Variants in RPTOR observed in about 807,000 individuals in gnomAD.
RPTOR encodes the protein regulatory-associated protein of mTOR.
Under a neutral mutation model 169.9 loss-of-function variants are expected in RPTOR, and 21 were observed. That is an observed-to-expected ratio of 0.12 (90% confidence interval 0.09 to 0.18). The LOEUF (loss-of-function observed/expected upper bound fraction) is 0.18, where lower values mean the gene tolerates loss of function less well. Among genes scored for constraint, RPTOR ranks in the 10% least tolerant of loss-of-function variants. The pLI is 1.00. For synonymous variants in RPTOR, 732 were observed against 753.2 expected (o/e 0.97, Z 0.46); for missense variants, 1,133 against 1,855.9 (o/e 0.61, Z 7.16).
At position 80,822,298 on chromosome 17, in the gene RPTOR, C is replaced by T. The variant is rs773914053; in HGVS notation, c.988C>T (p.Arg330Trp). ...CACCATCGCGTGGAACGTGCTCCCC[C>T]GGGGTGAGGCGCGGGCCGGGCCTTG... ...TDTIAWNVLPRDLFQKLFRQD... is the reference protein window; with the variant it reads ...TDTIAWNVLPWDLFQKLFRQD... Residue 330 changes from arginine to tryptophan, a missense_variant, in exon 8 of 34, where the codon CGG becomes TGG. By Grantham distance (101) the Arg-to-Trp change is moderately radical. This residue lies in a region of RPTOR where 289 missense variants were observed against 585.8 expected (regional missense o/e 0.49). Coordinates refer to ENST00000306801, the MANE Select transcript of RPTOR (RefSeq NM_020761.3). 5.6e-6 allele frequency: 9 copies of T among 1,613,870 alleles called. No individual in the cohort carries two copies. The highest frequency in any genetic ancestry group is 3.3e-5 in the South Asian group (3 of 91,088).
At chr17:80,760,321 T>TTG (rs1555615949) in intron 6 of RPTOR, among the ~76,000 whole-genome samples, 3 of 148,094 alleles carry the variant, frequency 2.0e-5, no homozygotes, top group Non-Finnish European at 4.5e-5. Context: ...TTTTTTTTTT[T>TTG]GAGACCGAGT....
chr17:80,767,387 A>G lies in RPTOR; in HGVS notation c.830+13202A>G, dbSNP rs1425133144. Among the ~76,000 whole-genome samples, 7 of 152,012 alleles carry G rather than the reference A, an allele frequency of 4.6e-5. No homozygotes were observed. In the East Asian group the frequency reaches 1.4e-3, roughly 29 times the overall value. ...CCCTGTCTCCAAAAATGAAAATTAT[A>G]AGTAAATAAAAGGAGAATAAGGGAA... On this transcript the variant is annotated intron_variant, in intron 6 of 33. Transcript: ENST00000306801.
intron 1 of RPTOR, among the ~76,000 whole-genome samples, chr17:80,585,195 TATTA>T (rs1555717683): frequency 6.8e-5 from 10 of 147,972 alleles, no homozygotes; most frequent in African/African-American, 2.2e-4. Context: ...TTATTATTAT[TATTA>T]TTATTTTTGT....
At chr17:80,671,083 G>C (rs758743112) in intron 3 of RPTOR, among the ~76,000 whole-genome samples, 4 of 152,092 alleles carry the variant, frequency 2.6e-5, no homozygotes, top group Non-Finnish European at 4.4e-5. Context: ...CTGTTTTGCT[G>C]TATCCTGAAT....
chr17:80,870,386 T>C (rs893213510), intron 13 of RPTOR, among the ~76,000 whole-genome samples: 1 of 152,252 alleles, frequency 6.6e-6, no homozygotes, highest in Admixed American at 6.5e-5. Context: ...ACGTCTGTGC[T>C]GGTTCTCCTA....
At chr17:80,873,610 G>A (rs911056319) in intron 13 of RPTOR, among the ~76,000 whole-genome samples, 8 of 152,194 alleles carry the variant, frequency 5.3e-5, no homozygotes, top group African/African-American at 9.7e-5. Flanking sequence ...GGCCCCAGGC[G>A]GAGAGGACAA....
At chr17:80,603,419 G>C (rs894452354) in intron 1 of RPTOR, among the ~76,000 whole-genome samples, 1 of 152,188 alleles carries the variant, frequency 6.6e-6, no homozygotes, top group Non-Finnish European at 1.5e-5. Flanking sequence ...TTGACCCTGC[G>C]CGCTTTGCAA....
intron 7 of RPTOR, chr17:80,805,741 C>T (rs1377958794): frequency 6.6e-5 from 10 of 152,178 alleles, no homozygotes; most frequent in Admixed American, 6.5e-4. Flanking sequence ...GGAATTACCC[C>T]TCGCCTCGCT....
intron 1 of RPTOR, chr17:80,602,875 T>C (rs922627371): frequency 2.0e-6 from 1 of 494,886 alleles, no homozygotes; most frequent in Non-Finnish European, 3.7e-6. Context: ...ACCACCTCGC[T>C]GATTGCAGAA....
At chr17:80,794,157 A>G (rs756650620) in intron 7 of RPTOR, among the ~76,000 whole-genome samples, 2 of 152,256 alleles carry the variant, frequency 1.3e-5, no homozygotes, top group East Asian at 1.9e-4. Context: ...AAGACAAGCT[A>G]TAGACTCGGA....
intron 4 of RPTOR, among the ~76,000 whole-genome samples, chr17:80,727,093 G>A (rs1451429105): frequency 6.6e-6 from 1 of 152,028 alleles, no homozygotes; most frequent in Non-Finnish European, 1.5e-5. Context: ...CGTGGACGCT[G>A]CACCTCTGAC....
intron 16 of RPTOR, among the ~76,000 whole-genome samples, chr17:80,884,752 G>C (rs1387290570): frequency 6.6e-6 from 1 of 152,202 alleles, no homozygotes; most frequent in African/African-American, 2.4e-5. Context: ...TGCCTGGTTT[G>C]GTGTTTCAGT....
chr17:80,816,516 TGTC>T (rs2067325070), intron 7 of RPTOR, among the ~76,000 whole-genome samples: 1 of 152,220 alleles, frequency 6.6e-6, no homozygotes, highest in South Asian at 2.1e-4. Flanking sequence ...GGAAGCGCCT[TGTC>T]GTGAGACCTG....
intron 1 of RPTOR, among the ~76,000 whole-genome samples, chr17:80,546,554 G>A (rs1022621168): frequency 1.3e-5 from 2 of 152,014 alleles, no homozygotes; most frequent in African/African-American, 4.8e-5. Flanking sequence ...GGCCTCAAAA[G>A]CAAAAGGGTA....
At position 80,707,453 on chromosome 17, in the gene RPTOR, A is replaced by G. The variant is rs962750231; in HGVS notation, c.349-388A>G. Among the ~76,000 whole-genome samples the G allele has an allele frequency of 6.6e-6, 1 of 152,250 alleles. No individual in the cohort carries two copies. The highest frequency in any genetic ancestry group is 2.4e-5 in the African/African-American group (1 of 41,528). ...CTCACTCTGTCACTCAGGCTGGAGTACAGTGTTGTGATCATGGTTCACTGC... is the reference window on the plus strand; with the variant it reads ...CTCACTCTGTCACTCAGGCTGGAGTGCAGTGTTGTGATCATGGTTCACTGC... On this transcript the variant is annotated intron_variant, in intron 3 of 33. Transcript: ENST00000306801. The surrounding 1 kb of genome is among the most constrained non-coding windows in gnomAD (Gnocchi z 5.0).
Position 80,803,690 on chromosome 17 carries a change from A to G in RPTOR, c.890+12181A>G, listed in dbSNP as rs1243510320. Reference sequence around the variant, plus strand: ...ATCTGCTGCGGACTGGCTGTGTGCTAGGGCCTGTCCGAGGCTCTGGAGCCA... The same window carrying G: ...ATCTGCTGCGGACTGGCTGTGTGCTGGGGCCTGTCCGAGGCTCTGGAGCCA... On this transcript the variant is annotated intron_variant, in intron 7 of 33. Coordinates refer to ENST00000306801, the MANE Select transcript of RPTOR (RefSeq NM_020761.3). This position sits in a 1 kb window ranked among gnomAD's most constrained non-coding sequence, Gnocchi z 6.2. The G allele has an allele frequency of 6.6e-6, 1 of 152,266 alleles. No homozygotes were observed. The highest frequency in any genetic ancestry group is 2.4e-5 in the African/African-American group (1 of 41,438). The allele number at this position is 152,266 out of a possible 1,614,324, so 9.4% of individuals were successfully genotyped here.
At chr17:80,680,051 C>G (rs913208366) in intron 3 of RPTOR, among the ~76,000 whole-genome samples, 1 of 132,186 alleles carries the variant, frequency 7.6e-6, no homozygotes, top group African/African-American at 3.5e-5. Context: ...TCGGTCAGGG[C>G]CAAGACCCCC....
In RPTOR at chr17:80,585,553, CCCGTTA is replaced by C. The variant is rs2065053656; in HGVS notation, c.162+39763_162+39768del. Among the ~76,000 whole-genome samples, 3 of 152,310 alleles carry C rather than the reference CCCGTTA, an allele frequency of 2.0e-5. No homozygotes were observed. In the East Asian group the frequency reaches 5.8e-4, roughly 29 times the overall value. On this transcript the variant is annotated intron_variant, in intron 1 of 33. Transcript: ENST00000306801. ...CGTGGAGGCGCACAGGGCTGCTGCA[CCCGTTA>C]GGGTGGCCCTGGGTCCTACAGCCCC...
At chr17:80,729,752 T>C (rs534082341) in intron 4 of RPTOR, among the ~76,000 whole-genome samples, 1 of 152,264 alleles carries the variant, frequency 6.6e-6, no homozygotes, top group African/African-American at 2.4e-5. Context: ...AAATGATGTG[T>C]GTGTTGTGTT....
Sources: gnomAD v4.1 joint callset for allele counts (sites outside exome capture counted in the v4.1 genomes callset) on GRCh38, gnomAD v4.1.1 for gene constraint, gnomAD v4.1.1 regional missense constraint, Gnocchi (gnomAD v3.1) non-coding constraint, MANE v1.5 for transcripts, NCBI Gene and HGNC (gene_info 2026-07-23, HGNC 2026-07-21) for gene names.